Variants in CAPN13 observed in about 807,000 individuals in gnomAD.
CAPN13 encodes calpain 13.
A neutral mutation model predicts 98.4 loss-of-function variants in CAPN13; 90 were observed. The observed-to-expected ratio is 0.92, with a 90% CI of 0.77 to 1.09. The LOEUF is 1.09. CAPN13 is among the 50% of genes least tolerant of loss of function. The pLI, the probability that CAPN13 is intolerant of heterozygous loss-of-function variation, is 0.00. For missense variants in CAPN13, 887 were observed against 841.3 expected (o/e 1.05, Z -0.67); for synonymous variants, 330 against 305.5 (o/e 1.08, Z -0.84).
chr2:30,793,725 T>G (rs7579918), intron 1 of CAPN13, among the ~76,000 whole-genome samples: 3,535 of 151,918 alleles, frequency 0.023, 122 homozygotes, highest in African/African-American at 0.079. Context: ...GGCAAAAATA[T>G]AGACAAATAG....
chr2:30,787,423 G>A (rs778289187), intron 1 of CAPN13, 66 bp from the exon 2 acceptor site: 2 of 1,245,512 alleles, frequency 1.6e-6, no homozygotes, highest in Admixed American at 2.6e-5. Flanking sequence ...TCAAATGTGA[G>A]CCCCAGATGG....
intron 5 of CAPN13, among the ~76,000 whole-genome samples, chr2:30,767,376 G>A (rs950503246): frequency 7.2e-5 from 11 of 152,124 alleles, no homozygotes; most frequent in African/African-American, 1.4e-4. Context: ...AGTAGAATGC[G>A]GATGCCAGGT....
At chr2:30,756,457 C>G (rs1028348008) in intron 8 of CAPN13, among the ~76,000 whole-genome samples, 1 of 152,212 alleles carries the variant, frequency 6.6e-6, no homozygotes, top group Admixed American at 6.5e-5. Flanking sequence ...TCCCCAAATC[C>G]TGGTGTCCCC....
chr2:30,761,030 C>T (rs532193609), intron 7 of CAPN13, among the ~76,000 whole-genome samples: 1 of 152,342 alleles, frequency 6.6e-6, no homozygotes, highest in African/African-American at 2.4e-5. Context: ...GGTTTTGTGG[C>T]TAATGGTACA....
At chr2:30,800,155 A>AGAAAGAAAGAAC (rs1675169073) in intron 1 of CAPN13, among the ~76,000 whole-genome samples, 6 of 150,880 alleles carry the variant, frequency 4.0e-5, no homozygotes, top group African/African-American at 1.5e-4. Context: ...AAAGAAAGAA[A>AGAAAGAAAGAAC]GAAAGAAAGA....
intron 13 of CAPN13, 85 bp downstream of exon 13, chr2:30,743,298 G>A: frequency 8.3e-7 from 1 of 1,198,864 alleles, no homozygotes; most frequent in Non-Finnish European, 1.2e-6. Context: ...CTGCACGAAT[G>A]CACAGAGAAC....
intron 12 of CAPN13, chr2:30,745,389 T>C: frequency 1.9e-6 from 1 of 527,336 alleles, no homozygotes; most frequent in Non-Finnish European, 3.8e-6. Context: ...GCTAAAGATC[T>C]TTCCAAGGTA....
chr2:30,751,306 C>G (rs1672166419), intron 10 of CAPN13, 55 bp from the exon 11 acceptor site: 3 of 1,596,014 alleles, frequency 1.9e-6, no homozygotes. Context: ...GACTCCTGGG[C>G]AGGGCCATGT....
chr2:30,743,763 A>G, intron 12 of CAPN13, 184 bp from the exon 13 acceptor site: 2 of 701,272 alleles, frequency 2.9e-6, no homozygotes, highest in Non-Finnish European at 5.2e-6. Flanking sequence ...CTGTCATTTC[A>G]TCTAGACCCT....
intron 15 of CAPN13, among the ~76,000 whole-genome samples, chr2:30,741,118 G>A (rs754481785): frequency 4.6e-5 from 7 of 152,176 alleles, no homozygotes; most frequent in Non-Finnish European, 7.3e-5. Flanking sequence ...TGGATCCTGG[G>A]CTGGTACTGA....
chr2:30,768,400 T>C (rs1673215765), intron 5 of CAPN13, among the ~76,000 whole-genome samples: 1 of 152,066 alleles, frequency 6.6e-6, no homozygotes, highest in Non-Finnish European at 1.5e-5. Context: ...CAGAGGAAGA[T>C]GCATAGCAAA....
In CAPN13 at chr2:30,777,565, AC is replaced by A. The variant is rs748391731; in HGVS notation, c.271+1del. 1 of 1,571,328 alleles carries A rather than the reference AC, an allele frequency of 6.4e-7. No individual in the cohort carries two copies. Among genetic ancestry groups the A allele is most frequent in the Non-Finnish European group, 8.6e-7 (1 of 1,156,606 alleles). Reference sequence around the variant, plus strand: ...CACGGAGGGAAGATGTTGCACTCTTACCTGCGCCTCCTTGTTGGATGTCAAA... The same window carrying A: ...CACGGAGGGAAGATGTTGCACTCTTACTGCGCCTCCTTGTTGGATGTCAAA... On this transcript the variant is annotated splice_donor_variant, in intron 3 of 22. Transcript: ENST00000295055. LOFTEE classifies it high-confidence loss of function.
chr2:30,788,520 C>T (rs1230701781), intron 1 of CAPN13, among the ~76,000 whole-genome samples: 2 of 152,144 alleles, frequency 1.3e-5, no homozygotes, highest in East Asian at 3.8e-4. Flanking sequence ...CTCTCTGGTC[C>T]TTAAAGTAGG....
chr2:30,789,605 T>C (rs1457368550), intron 1 of CAPN13, among the ~76,000 whole-genome samples: 1 of 152,230 alleles, frequency 6.6e-6, no homozygotes, highest in Non-Finnish European at 1.5e-5. Context: ...ACTTTAGGAA[T>C]TCCCATTCTA....
At chr2:30,764,444 C>T (rs1673011120) in intron 5 of CAPN13, 138 bp from the exon 6 acceptor site, 2 of 869,284 alleles carry the variant, frequency 2.3e-6, no homozygotes, top group Non-Finnish European at 3.5e-6. Context: ...ACCCACCTCC[C>T]CTTTGCCTGG....
At chr2:30,782,362 T>C (rs960395718) in intron 2 of CAPN13, among the ~76,000 whole-genome samples, 1 of 152,226 alleles carries the variant, frequency 6.6e-6, no homozygotes, top group Non-Finnish European at 1.5e-5. Context: ...CGTCACTCCC[T>C]TTTCTATTTT....
At chr2:30,754,635 C>T (rs1239014155) in intron 8 of CAPN13, among the ~76,000 whole-genome samples, 1 of 152,200 alleles carries the variant, frequency 6.6e-6, no homozygotes, top group Non-Finnish European at 1.5e-5. Context: ...GACCTCAAAT[C>T]AACCTGTCCC....
At chr2:30,773,505 A>T (rs983662649) in intron 4 of CAPN13, among the ~76,000 whole-genome samples, 3 of 152,348 alleles carry the variant, frequency 2.0e-5, no homozygotes, top group Non-Finnish European at 2.9e-5. Context: ...ATTAATAATA[A>T]AGAGATGAAC....
At chr2:30,745,776 G>A (rs558730599) in intron 11 of CAPN13, 42 bp from the exon 12 acceptor site, 29 of 1,582,712 alleles carry the variant, frequency 1.8e-5, no homozygotes, top group Middle Eastern at 1.7e-4. Context: ...GAACTCAGAC[G>A]TAAACAAAAA....
Sources: gnomAD v4.1 joint callset for allele counts (sites outside exome capture counted in the v4.1 genomes callset) on GRCh38, gnomAD v4.1.1 for gene constraint, MANE v1.5 for transcripts, NCBI Gene and HGNC (gene_info 2026-07-23, HGNC 2026-07-21) for gene names.